SLC39A11: variants seen among roughly 807,000 people sequenced by gnomAD.
The protein encoded by SLC39A11 is zinc transporter ZIP11.
SLC39A11 carries 33 observed loss-of-function variants against 36.1 expected under a neutral mutation model. The ratio of observed to expected loss-of-function variants is 0.91; its 90% CI spans 0.69 to 1.22. SLC39A11 has a LOEUF of 1.22. Among genes scored for constraint, SLC39A11 ranks in the 50% most tolerant of loss-of-function variants. The pLI is 0.00. For synonymous variants in SLC39A11, 166 were observed against 170.3 expected, an observed-to-expected ratio of 0.97 and a Z score of 0.20; for missense variants, 432 against 430.3, an observed-to-expected ratio of 1.00 and a Z score of -0.03.
chr17:72,731,960 C>T (rs1175336664), intron 7 of SLC39A11, among the ~76,000 whole-genome samples: 1 of 150,424 alleles, frequency 6.6e-6, no homozygotes, highest in African/African-American at 2.4e-5. Context: ...CTCCTGATCT[C>T]GGGTGATCCA....
chr17:72,808,685 G>T (rs1347531459), intron 6 of SLC39A11, among the ~76,000 whole-genome samples: 2 of 152,046 alleles, frequency 1.3e-5, no homozygotes, highest in African/African-American at 4.8e-5. Flanking sequence ...CATCACTATT[G>T]TAGAACCTAA....
chr17:72,652,218 C>T (rs950533201), intron 7 of SLC39A11, among the ~76,000 whole-genome samples: 1 of 152,162 alleles, frequency 6.6e-6, no homozygotes, highest in Admixed American at 6.5e-5. Context: ...GTTTGCTGAC[C>T]CCTGCCCTGA....
intron 5 of SLC39A11, among the ~76,000 whole-genome samples, chr17:72,918,525 C>A (rs544939602): frequency 3.3e-5 from 5 of 152,318 alleles, no homozygotes; most frequent in South Asian, 4.1e-4. Flanking sequence ...AGAGCCCTGG[C>A]GCAAGACAGT....
chr17:72,838,230 T>C (rs1422208789), intron 6 of SLC39A11: 2 of 358,988 alleles, frequency 5.6e-6, no homozygotes, highest in Non-Finnish European at 9.4e-6. Context: ...TCTTTCCTTT[T>C]CTTTTTTTTT....
chr17:72,978,730 G>C (rs947962052), intron 4 of SLC39A11, among the ~76,000 whole-genome samples: 1 of 152,140 alleles, frequency 6.6e-6, no homozygotes, highest in Non-Finnish European at 1.5e-5. Context: ...CTTAGGCTGG[G>C]GTGGAAAGGA....
At chr17:72,680,398 C>T (rs532032725) in intron 7 of SLC39A11, among the ~76,000 whole-genome samples, 8 of 152,282 alleles carry the variant, frequency 5.3e-5, no homozygotes, top group South Asian at 2.1e-4. Flanking sequence ...CCATATGTCA[C>T]GGAAGGGACC....
intron 4 of SLC39A11, among the ~76,000 whole-genome samples, chr17:73,008,964 G>A (rs1004466684): frequency 6.6e-6 from 1 of 151,572 alleles, no homozygotes; most frequent in African/African-American, 2.4e-5. Flanking sequence ...AGGAGGCTAA[G>A]GCCGGTGGAT....
intron 4 of SLC39A11, among the ~76,000 whole-genome samples, chr17:72,990,586 A>G (rs2089101130): frequency 1.3e-5 from 2 of 152,090 alleles, no homozygotes; most frequent in Admixed American, 1.3e-4. Context: ...CACCAGGTCC[A>G]GCTAATTTTT....
chr17:72,695,779 C>T (rs2072266606), intron 7 of SLC39A11, among the ~76,000 whole-genome samples: 1 of 152,100 alleles, frequency 6.6e-6, no homozygotes, highest in South Asian at 2.1e-4. Context: ...GAAGTGAAGG[C>T]AGAGACAGAG....
At chr17:73,009,325 AT>A (rs1174940301) in intron 4 of SLC39A11, among the ~76,000 whole-genome samples, 1 of 142,990 alleles carries the variant, frequency 7.0e-6, no homozygotes, top group Non-Finnish European at 1.5e-5. Flanking sequence ...ACTGCACTCC[AT>A]CCTGGGGGAC....
chr17:73,065,366 C>T (rs1282784471), intron 3 of SLC39A11, among the ~76,000 whole-genome samples: 2 of 152,146 alleles, frequency 1.3e-5, no homozygotes, highest in Non-Finnish European at 2.9e-5. Context: ...GATCGCACCA[C>T]TACATTCCAG....
Position 72,814,751 on chromosome 17 carries a change from C to A in SLC39A11, c.601+34883G>T, listed in dbSNP as rs1479401778. 1.3e-5 allele frequency among the ~76,000 whole-genome samples: 2 copies of A among 152,166 alleles called. 1 individual carries two copies. The highest frequency in any genetic ancestry group is 2.9e-5 in the Non-Finnish European group (2 of 68,024). ...GAGGATCACCTGGGGCTGGGGGGAC[C>A]CCAAGAGGTCATCCACAATGCATCC... On this transcript the variant is annotated intron_variant, in intron 6 of 9. Coordinates refer to ENST00000255559, the MANE Select transcript of SLC39A11 (RefSeq NM_139177.4).
At chr17:73,001,116 CCTTCT>C in intron 4 of SLC39A11, among the ~76,000 whole-genome samples, 1 of 152,016 alleles carries the variant, frequency 6.6e-6, no homozygotes, top group Non-Finnish European at 1.5e-5. Context: ...TCTGAAGGGC[CCTTCT>C]CTAAGTTTCT....
chr17:72,817,303 G>C (rs2077613578), intron 6 of SLC39A11, among the ~76,000 whole-genome samples: 1 of 131,310 alleles, frequency 7.6e-6, no homozygotes, highest in African/African-American at 2.8e-5. Context: ...CGGAAGGAAG[G>C]AAGGAAGAAA....
chr17:72,865,482 T>C (rs1013169653), intron 5 of SLC39A11, among the ~76,000 whole-genome samples: 10 of 146,238 alleles, frequency 6.8e-5, no homozygotes, highest in African/African-American at 2.0e-4. Flanking sequence ...ACTTTCTACA[T>C]TGGCTAGAAA....
At chr17:72,984,378 TAA>T (rs35999729) in intron 4 of SLC39A11, among the ~76,000 whole-genome samples, 1,515 of 146,616 alleles carry the variant, frequency 0.01, 16 homozygotes, top group African/African-American at 0.011. Context: ...CTCAGACATT[TAA>T]AAAAAAAAAA....
At chr17:72,945,548 T>TGAG (rs2085381977) in intron 5 of SLC39A11, among the ~76,000 whole-genome samples, 2 of 152,250 alleles carry the variant, frequency 1.3e-5, no homozygotes, top group South Asian at 4.1e-4. Context: ...TGTGTCCAGG[T>TGAG]GAGAAGAACA....
chr17:73,048,279 C>G (rs1292527292), intron 3 of SLC39A11, among the ~76,000 whole-genome samples: 1 of 152,102 alleles, frequency 6.6e-6, no homozygotes, highest in Non-Finnish European at 1.5e-5. Context: ...TAAGTGAGAA[C>G]AGGCGGTATT....
intron 5 of SLC39A11, among the ~76,000 whole-genome samples, chr17:72,925,001 C>CCA (rs2083952358): frequency 2.9e-5 from 2 of 68,954 alleles, no homozygotes; most frequent in African/African-American, 4.3e-5. Context: ...GACTCCATTT[C>CCA]AAAAAAAAAA....
Sources: gnomAD v4.1 joint callset for allele counts (sites outside exome capture counted in the v4.1 genomes callset) on GRCh38, gnomAD v4.1.1 for gene constraint, MANE v1.5 for transcripts, NCBI Gene and HGNC (gene_info 2026-07-23, HGNC 2026-07-21) for gene names.